FLCN: variants seen among roughly 807,000 people sequenced by gnomAD.
FLCN encodes BHD skin lesion fibrofolliculoma protein.
A neutral mutation model predicts 62.5 loss-of-function variants in FLCN; 22 were observed. The ratio of observed to expected loss-of-function variants is 0.35; its 90% CI spans 0.25 to 0.50. The LOEUF is 0.50. Among genes scored for constraint, FLCN ranks in the 20% least tolerant of loss-of-function variants. FLCN has a pLI of 0.97. For synonymous variants in FLCN, 319 were observed against 310.0 expected (o/e 1.03, Z -0.30); for missense variants, 657 against 778.0 (o/e 0.84, Z 1.85).
chr17:17,224,052 G>C lies in FLCN; in HGVS notation c.488C>G (p.Ala163Gly). ...SHTFFIKDSLARGFQRWYSII... is the reference protein window; with the variant it reads ...SHTFFIKDSLGRGFQRWYSII... ...GCTGTACCAGCGCTGGAAGCCCCTG[G>C]CCAGGCTGTCCTTGATGAAGAAGGT... Residue 163 changes from alanine to glycine, a missense_variant, in exon 6 of 14, where the codon GCC (alanine) becomes GGC (glycine). Ala to Gly is a moderately conservative substitution (Grantham distance 60, BLOSUM62 0). Coordinates refer to ENST00000285071, the MANE Select transcript of FLCN (RefSeq NM_144997.7). 6.2e-7 allele frequency: 1 copy of C among 1,613,846 alleles called. No individual in the cohort carries two copies. Among genetic ancestry groups the C allele is most frequent in the Non-Finnish European group, 8.5e-7 (1 of 1,180,014 alleles).
Position 17,228,124 on chromosome 17 carries a change from A to C in FLCN, c.14T>G (p.Val5Gly). The change falls in exon 4 of 14, where the codon GTG (valine) becomes GGG (glycine). Residue 5 changes from valine (V) to glycine (G), a missense_variant. Transcript: ENST00000285071. MNAI[V>G]ALCHFCELHG... ...GAGCTCGCAGAAGTGGCAGAGAGCCACGATGGCATTCATGGTGCCTTGGAG... is the reference window on the plus strand; with the variant it reads ...GAGCTCGCAGAAGTGGCAGAGAGCCCCGATGGCATTCATGGTGCCTTGGAG... 6.2e-7 allele frequency: 1 copy of C among 1,613,028 alleles called. No individual in the cohort carries two copies. Among genetic ancestry groups the C allele is most frequent in the Non-Finnish European group, 8.5e-7 (1 of 1,180,004 alleles).
At chr17:17,219,760 G>A (rs1179258887) in intron 8 of FLCN, 1 of 158,354 alleles carries the variant, frequency 6.3e-6, no homozygotes, top group Non-Finnish European at 1.4e-5. Flanking sequence ...TTTTAGTAGA[G>A]ACGGGGTTTC....
At chr17:17,214,824 C>T (rs2046860029) in intron 13 of FLCN, among the ~76,000 whole-genome samples, 161 bp downstream of exon 13, 1 of 152,154 alleles carries the variant, frequency 6.6e-6, no homozygotes, top group Non-Finnish European at 1.5e-5. Context: ...CTCCCGAGGC[C>T]ACCTGAGCTT....
At chr17:17,215,786 G>A (rs909874328) in intron 11 of FLCN, among the ~76,000 whole-genome samples, 1 of 152,226 alleles carries the variant, frequency 6.6e-6, no homozygotes, top group Non-Finnish European at 1.5e-5. Context: ...TGGGGGCTCA[G>A]GGTAGCTCCA....
At position 17,216,433 on chromosome 17, in the gene FLCN, T is replaced by C. The variant is rs781295687; in HGVS notation, c.1247A>G (p.Asn416Ser). 3.1e-6 allele frequency: 5 copies of C among 1,613,778 alleles called. No homozygotes were observed. The highest frequency in any genetic ancestry group is 4.2e-6 in the Non-Finnish European group (5 of 1,179,836). ...CACGTGCGGGCTGAGCCCCAGGAAG[T>C]TGCACCGATAGGCCTCCTCGTACTG... is the stretch of plus-strand genomic sequence containing the variant. ...SSQYEEAYRC[N>S]FLGLSPHVQI... The change falls in exon 11 of 14, where the codon AAC becomes AGC. Residue 416 changes from asparagine to serine, a missense_variant. Physicochemically the swap from Asn to Ser is conservative, Grantham distance 46 (BLOSUM62 1). Transcript: ENST00000285071. The surrounding 1 kb of genome is among the most constrained non-coding windows in gnomAD (Gnocchi z 4.0).
chr17:17,225,385 CT>C (rs1166840561), intron 5 of FLCN: 3 of 153,178 alleles, frequency 2.0e-5, no homozygotes, highest in Non-Finnish European at 4.4e-5. Flanking sequence ...CGAGACCAAC[CT>C]GGGCAACATA....
chr17:17,216,261 T>C lies in FLCN; in HGVS notation c.1300+119A>G. On this transcript the variant is annotated intron_variant, in intron 11 of 13. Coordinates refer to ENST00000285071, the MANE Select transcript of FLCN (RefSeq NM_144997.7). The surrounding 1 kb of genome is among the most constrained non-coding windows in gnomAD (Gnocchi z 4.0). The stretch of plus-strand genomic sequence containing the variant: ...GGAGGCCCAGAGCCATGGGGGAAGC[T>C]GGCCCTGCAATGAGGCCTCCTCTCC... The C allele has an allele frequency of 7.6e-6, 11 of 1,440,440 alleles. No individual in the cohort carries two copies. The highest frequency in any genetic ancestry group is 2.5e-4 in the Middle Eastern group (1 of 4,070). The allele number at this position is 1,440,440 out of a possible 1,614,324, so 89.2% of individuals were successfully genotyped here. A position where few individuals can be genotyped will look rare whatever the true frequency, so the allele number is the denominator to read the frequency against.
chr17:17,222,076 C>T (rs2047107911), intron 7 of FLCN, among the ~76,000 whole-genome samples: 1 of 150,446 alleles, frequency 6.6e-6, no homozygotes. Flanking sequence ...GTGGCTCACA[C>T]CTGTAATCCC....
At chr17:17,214,494 T>C (rs1226986368) in intron 13 of FLCN, among the ~76,000 whole-genome samples, 1 of 152,004 alleles carries the variant, frequency 6.6e-6, no homozygotes, top group Non-Finnish European at 1.5e-5. Flanking sequence ...CTCCAGAGGC[T>C]GAGGCAGAAG....
In FLCN at chr17:17,216,966, G is replaced by A. The variant is rs929769128; in HGVS notation, c.1176+103C>T. On this transcript the variant is annotated intron_variant, in intron 10 of 13. Transcript: ENST00000285071. The surrounding 1 kb of genome is among the most constrained non-coding windows in gnomAD (Gnocchi z 4.0). ...CAGTGGAGACCGTGTGGTGCACAGC[G>A]GTTCTGTGCTGGGCAGTCGGTGCAC... The A allele has an allele frequency of 4.7e-5, 40 of 847,908 alleles. No individual in the cohort carries two copies. Among genetic ancestry groups the A allele is most frequent in the African/African-American group, 3.2e-4 (19 of 60,096 alleles). 52.5% of individuals were successfully genotyped at this position (847,908 alleles called of 1,614,324 possible).
intron 3 of FLCN, chr17:17,228,585 G>A (rs112002657): frequency 1.6e-5 from 3 of 187,854 alleles, no homozygotes; most frequent in Admixed American, 5.7e-5. Flanking sequence ...TGTGGGCCAA[G>A]GTGCTAGGCA....
chr17:17,221,345 C>T (rs2047078472), intron 8 of FLCN, 192 bp downstream of exon 8: 1 of 1,577,918 alleles, frequency 6.3e-7, no homozygotes. Context: ...GCGGTCAAGG[C>T]AAACGAGACA....
chr17:17,235,151 A>G (rs1368642643), intron 1 of FLCN, among the ~76,000 whole-genome samples: 1 of 146,704 alleles, frequency 6.8e-6, no homozygotes, highest in African/African-American at 2.5e-5. Flanking sequence ...GTGGTGGTGC[A>G]TGCCTGTAAT....
intron 12 of FLCN, 35 bp downstream of exon 12, chr17:17,215,150 C>A: frequency 1.2e-6 from 2 of 1,614,042 alleles, no homozygotes; most frequent in Non-Finnish European, 1.7e-6. Flanking sequence ...GGGGCATCTT[C>A]TCACAAAAAG....
rs112496006 is a variant in FLCN, at chr17:17,222,451, C to T, written c.779+50G>A. On this transcript the variant is annotated intron_variant, in intron 7 of 13. Transcript: ENST00000285071. The stretch of plus-strand genomic sequence containing the variant: ...TCCATGGACAAGCCAACCAATGTAT[C>T]GTGACTGCTCTATCCTAACAGATAT... 1.3e-5 allele frequency: 21 copies of T among 1,612,694 alleles called. No homozygotes were observed. Among genetic ancestry groups the T allele is most frequent in the Admixed American group, 1.7e-5 (1 of 59,944 alleles).
intron 9 of FLCN, among the ~76,000 whole-genome samples, chr17:17,218,495 C>T (rs1354778826): frequency 3.3e-5 from 5 of 151,172 alleles, no homozygotes; most frequent in Non-Finnish European, 7.4e-5. Context: ...AAGCGATTCT[C>T]CTGCCTCAGC....
At chr17:17,232,573 A>C (rs2047456260) in intron 2 of FLCN, among the ~76,000 whole-genome samples, 1 of 152,170 alleles carries the variant, frequency 6.6e-6, no homozygotes, top group African/African-American at 2.4e-5. Context: ...GTGGCTTAAA[A>C]ATCTACTGCT....
At chr17:17,226,527 TC>T (rs1405575164) in intron 4 of FLCN, among the ~76,000 whole-genome samples, 3 of 152,178 alleles carry the variant, frequency 2.0e-5, no homozygotes, top group Non-Finnish European at 4.4e-5. Flanking sequence ...CAGAGGTTGT[TC>T]CTAACAGGTA....
chr17:17,215,092 TG>T lies in FLCN; in HGVS notation c.1433-3del. ...TCTTATTCAGGATGGTGGGGCCCAC[TG>T]GGGAGAAGGGCAGGGGCAGAGCAAG... On this transcript the variant is annotated splice_polypyrimidine_tract_variant and splice_region_variant and intron_variant, in intron 12 of 13. Transcript: ENST00000285071. 6.2e-7 allele frequency: 1 copy of T among 1,612,092 alleles called. No homozygotes were observed. The highest frequency in any genetic ancestry group is 8.5e-7 in the Non-Finnish European group (1 of 1,179,000).
Sources: gnomAD v4.1 joint callset for allele counts (sites outside exome capture counted in the v4.1 genomes callset) on GRCh38, gnomAD v4.1.1 for gene constraint, Gnocchi (gnomAD v3.1) non-coding constraint, MANE v1.5 for transcripts, NCBI Gene and HGNC (gene_info 2026-07-23, HGNC 2026-07-21) for gene names.